Variants in ERMP1 observed in about 807,000 individuals in gnomAD.
The protein encoded by ERMP1 is endoplasmic reticulum metallopeptidase 1.
Under a neutral mutation model 92.0 loss-of-function variants are expected in ERMP1, and 86 were observed. That is an observed-to-expected ratio of 0.93 (90% CI 0.79 to 1.12). ERMP1 has a LOEUF of 1.12. Ranked by LOEUF, ERMP1 falls within the 50% of genes most tolerant of loss-of-function variation. The pLI is 0.00. For synonymous variants in ERMP1, 530 were observed against 412.8 expected (o/e 1.28, Z -3.44); for missense variants, 1,342 against 1,116.3 (o/e 1.20, Z -2.88).
intron 5 of ERMP1, among the ~76,000 whole-genome samples, chr9:5,863,013 G>C (rs958483496): frequency 2.0e-5 from 3 of 152,214 alleles, no homozygotes; most frequent in Non-Finnish European, 4.4e-5. Context: ...TTCAGAGAAA[G>C]TTTCTTTTGA....
chr9:5,825,249 C>T, intron 2 of ERMP1, 30 bp from the exon 3 acceptor site: 1 of 1,599,048 alleles, frequency 6.3e-7, no homozygotes, highest in Non-Finnish European at 8.5e-7. Flanking sequence ...ATTTGCTGCT[C>T]AGATTTTAAA....
At chr9:5,799,692 C>T (rs1352435455) in intron 11 of ERMP1, among the ~76,000 whole-genome samples, 1 of 152,176 alleles carries the variant, frequency 6.6e-6, no homozygotes, top group East Asian at 1.9e-4. Flanking sequence ...CTGCAACAGA[C>T]TGTATTGCTG....
intron 8 of ERMP1, among the ~76,000 whole-genome samples, chr9:5,807,322 T>A (rs1828904896): frequency 1.3e-5 from 2 of 152,230 alleles, no homozygotes; most frequent in African/African-American, 4.8e-5. Context: ...CTTTTCCAGT[T>A]ATTGGACTAC....
At chr9:5,814,908 A>G (rs1005139506) in intron 4 of ERMP1, among the ~76,000 whole-genome samples, 1 of 151,630 alleles carries the variant, frequency 6.6e-6, no homozygotes, top group Non-Finnish European at 1.5e-5. Flanking sequence ...AATCTATTTA[A>G]AAGAGTCCTA....
intron 13 of ERMP1, 74 bp downstream of exon 13, chr9:5,797,743 G>A (rs536191164): frequency 3.3e-6 from 3 of 897,874 alleles, no homozygotes; most frequent in African/African-American, 1.7e-5. Context: ...TATATCTGAG[G>A]GAAAAACATA....
chr9:5,808,918 T>C (rs1262771300), intron 8 of ERMP1, among the ~76,000 whole-genome samples: 1 of 152,080 alleles, frequency 6.6e-6, no homozygotes. Context: ...TTTGTATTTT[T>C]TGTGGAGACA....
intron 5 of ERMP1, among the ~76,000 whole-genome samples, chr9:5,866,288 A>G (rs1830658801): frequency 6.6e-6 from 1 of 152,180 alleles, no homozygotes; most frequent in Non-Finnish European, 1.5e-5. Context: ...TGTTTGGATA[A>G]TATTTCTTCT....
chr9:5,823,855 C>T (rs1426641216), intron 4 of ERMP1, 41 bp downstream of exon 4: 1 of 1,357,004 alleles, frequency 7.4e-7, no homozygotes, highest in Non-Finnish European at 1.0e-6. Context: ...TTTACAAAAA[C>T]TAGAATTGCA....
rs900056092 is a variant in ERMP1 at position 5,813,178 on chromosome 9, A to G, written c.875-143T>C. 4.0e-6 allele frequency: 3 copies of G among 754,550 alleles called. No individual in the cohort carries two copies. The African/African-American group carries it at 5.3e-5, about 13-fold the overall frequency. The allele number at this position is 754,550 out of a possible 1,614,324, so 46.7% of individuals were successfully genotyped here. On this transcript the variant is annotated intron_variant, in intron 4 of 14. Transcript: ENST00000339450. ...TGTACCTTTTCATCCCTTTTTCTGTAGTTTCCAATGTTTCTCTGATATATG... is the reference window on the plus strand; with the variant it reads ...TGTACCTTTTCATCCCTTTTTCTGTGGTTTCCAATGTTTCTCTGATATATG...
chr9:5,812,385 C>G (rs1465829942), intron 5 of ERMP1, among the ~76,000 whole-genome samples, 168 bp from the exon 6 acceptor site: 2 of 152,178 alleles, frequency 1.3e-5, no homozygotes, highest in Admixed American at 1.3e-4. Context: ...AATTCTTACA[C>G]AGTCTATAGC....
rs1225738652 is a variant in ERMP1 at position 5,844,408 on chromosome 9, C to CT, written n.3200-11097dup. Reference sequence around the variant, plus strand: ...TTGTGCCTCAGCCTTCTGAGTAGCTCTTATTATAGGCATGTACCACCATGC... The same window carrying CT: ...TTGTGCCTCAGCCTTCTGAGTAGCTCTTTATTATAGGCATGTACCACCATGC... On this transcript the variant is annotated intron_variant and non_coding_transcript_variant, in intron 6 of 6. Transcript: ENST00000690753. 2.0e-5 allele frequency among the ~76,000 whole-genome samples: 3 copies of CT among 152,118 alleles called. No individual in the cohort carries two copies. In the East Asian group the frequency reaches 5.8e-4, roughly 29 times the overall value.
At chr9:5,832,350 G>A (rs532868119) in intron 1 of ERMP1, 72 of 275,288 alleles carry the variant, frequency 2.6e-4, no homozygotes, top group African/African-American at 1.5e-3. Context: ...AAAGCAGAAG[G>A]GCTAAGCAAG....
chr9:5,844,887 C>G (rs527983918), intron 6 of ERMP1, among the ~76,000 whole-genome samples: 2 of 152,308 alleles, frequency 1.3e-5, no homozygotes, highest in African/African-American at 4.8e-5. Context: ...CACATTCTTC[C>G]CAACTGGTCT....
chr9:5,832,600 G>A (rs1829991743), intron 1 of ERMP1, 90 bp downstream of exon 1: 2 of 1,072,772 alleles, frequency 1.9e-6, no homozygotes, highest in Non-Finnish European at 2.5e-6. Context: ...CGGTCCGGCA[G>A]GGGCGGGTGC....
In ERMP1 at chr9:5,784,795, TCAAACA is replaced by T. The variant is rs774940356; in HGVS notation, c.*2343_*2348del. ...ACTTCATGCGACAATCATTCTTAGG[TCAAACA>T]CAAGAACGAACTATTTTGAAATCAA... On this transcript the variant is annotated 3_prime_UTR_variant, in exon 15 of 15. Coordinates refer to ENST00000339450, the MANE Select transcript of ERMP1 (RefSeq NM_024896.3). The T allele has an allele frequency of 4.7e-5, 7 of 149,422 alleles. No individual in the cohort carries two copies. Among genetic ancestry groups the T allele is most frequent in the Non-Finnish European group, 8.8e-5 (6 of 67,822 alleles). 9.3% of individuals were successfully genotyped at this position (149,422 alleles called of 1,614,324 possible). A position where few individuals can be genotyped will look rare whatever the true frequency, so the allele number is the denominator to read the frequency against.
At chr9:5,858,538 G>A (rs1346508067) in intron 6 of ERMP1, among the ~76,000 whole-genome samples, 1 of 152,184 alleles carries the variant, frequency 6.6e-6, no homozygotes, top group Non-Finnish European at 1.5e-5. Flanking sequence ...CCACTCAGTG[G>A]CATGCATTCT....
chr9:5,801,369 T>C, intron 10 of ERMP1, 41 bp from the exon 11 acceptor site: 1 of 1,582,762 alleles, frequency 6.3e-7, no homozygotes. Context: ...TACAAATTCA[T>C]TCTAGTGGTG....
intron 5 of ERMP1, 82 bp from the exon 6 acceptor site, chr9:5,812,299 C>A: frequency 1.3e-6 from 1 of 770,868 alleles, no homozygotes; most frequent in South Asian, 1.8e-5. Context: ...TAATAAATTC[C>A]TAAAAGACAA....
At chr9:5,837,515 A>G (rs1830108386), upstream of ERMP1, among the ~76,000 whole-genome samples, 1 of 152,220 alleles carries the variant, frequency 6.6e-6, no homozygotes, top group Non-Finnish European at 1.5e-5. Flanking sequence ...AAAATCACAT[A>G]TTGGCTACAC....
Sources: gnomAD v4.1 joint callset for allele counts (sites outside exome capture counted in the v4.1 genomes callset) on GRCh38, gnomAD v4.1.1 for gene constraint, MANE v1.5 for transcripts, NCBI Gene and HGNC (gene_info 2026-07-23, HGNC 2026-07-21) for gene names.